Variants in LHX4 observed in about 807,000 individuals in gnomAD.
LHX4 encodes the protein LIM/homeobox protein Lhx4.
LHX4 carries 16 observed loss-of-function variants against 39.2 expected under a neutral mutation model. The ratio of observed to expected loss-of-function variants is 0.41; its 90% CI spans 0.28 to 0.62. LHX4 has a LOEUF of 0.62. LHX4 is among the 20% of genes least tolerant of loss of function. The pLI, the probability that LHX4 is intolerant of heterozygous loss-of-function variation, is 0.33. For synonymous variants in LHX4, 206 were observed against 198.1 expected (o/e 1.04, Z -0.33); for missense variants, 439 against 511.9 (o/e 0.86, Z 1.37).
intron 1 of LHX4, among the ~76,000 whole-genome samples, chr1:180,243,229 T>C (rs982968454): frequency 1.3e-5 from 2 of 152,022 alleles, no homozygotes; most frequent in East Asian, 3.9e-4. Context: ...CCTCAAATGA[T>C]CTGCCTGTCT....
chr1:180,242,152 C>G (rs939262252), intron 1 of LHX4, among the ~76,000 whole-genome samples: 2 of 152,184 alleles, frequency 1.3e-5, no homozygotes, highest in Non-Finnish European at 2.9e-5. Flanking sequence ...GGACAGCTCC[C>G]TCATTCGGCT....
In LHX4 at chr1:180,278,859, T is replaced by C. The variant is rs140382495; in HGVS notation, c.*4280T>C. On this transcript the variant is annotated 3_prime_UTR_variant, in exon 6 of 6. Transcript: ENST00000263726. Reference sequence around the variant, plus strand: ...AAAAGAAAAAAAAAAGACCCACCCATCCTTATTTATTGCCATATGACTTTG... The same window carrying C: ...AAAAGAAAAAAAAAAGACCCACCCACCCTTATTTATTGCCATATGACTTTG... 3.5e-4 allele frequency: 54 copies of C among 152,160 alleles called. 1 individual carries two copies. The East Asian group carries it at 0.01, about 28-fold the overall frequency. The allele number at this position is 152,160 out of a possible 1,614,324, so 9.4% of individuals were successfully genotyped here. A position where few individuals can be genotyped will look rare whatever the true frequency, so the allele number is the denominator to read the frequency against.
At chr1:180,270,837 A>G (rs1039824998) in intron 3 of LHX4, 1 of 187,842 alleles carries the variant, frequency 5.3e-6, no homozygotes, top group African/African-American at 2.3e-5. Flanking sequence ...GTTCTGACCT[A>G]TAGTTTAGAA....
At chr1:180,263,418 C>G (rs1164471927) in intron 2 of LHX4, among the ~76,000 whole-genome samples, 1 of 152,196 alleles carries the variant, frequency 6.6e-6, no homozygotes, top group Non-Finnish European at 1.5e-5. Flanking sequence ...TCTAGATACA[C>G]TGGCTCTGAC....
intron 2 of LHX4, among the ~76,000 whole-genome samples, chr1:180,250,584 C>T (rs1309274187): frequency 6.6e-6 from 1 of 152,208 alleles, no homozygotes; most frequent in Non-Finnish European, 1.5e-5. Context: ...AGACCTCAGA[C>T]CCCACTGGTT....
chr1:180,237,071 C>G (rs1664337572), intron 1 of LHX4, among the ~76,000 whole-genome samples: 1 of 152,176 alleles, frequency 6.6e-6, no homozygotes, highest in South Asian at 2.1e-4. Context: ...GGTCTGGTGG[C>G]TTGAATTTCT....
chr1:180,236,467 G>C lies in LHX4; in HGVS notation c.76+5862G>C, dbSNP rs567506847. The stretch of plus-strand genomic sequence containing the variant: ...GTAGACTGAAGCCAGAGACCCCAGT[G>C]CTGGGAGGAGAGGAGGAGCCGGGGG... On this transcript the variant is annotated intron_variant, in intron 1 of 5. Transcript: ENST00000263726. Among the ~76,000 whole-genome samples the C allele has an allele frequency of 2.0e-5, 3 of 152,376 alleles. No individual in the cohort carries two copies. The South Asian group carries it at 6.2e-4, about 32-fold the overall frequency.
intron 4 of LHX4, 43 bp from the exon 5 acceptor site, chr1:180,271,792 T>C: frequency 6.2e-7 from 1 of 1,607,970 alleles, no homozygotes; most frequent in African/African-American, 1.3e-5. Flanking sequence ...TTTGGGTTTG[T>C]GGTGGACGCC....
chr1:180,250,317 CTGTG>C (rs1485954349), intron 2 of LHX4, among the ~76,000 whole-genome samples: 1 of 125,578 alleles, frequency 8.0e-6, no homozygotes, highest in Admixed American at 8.2e-5. Context: ...GTGAATTTCC[CTGTG>C]TTTGTGTGTG....
At position 180,274,574 on chromosome 1, in the gene LHX4, T is replaced by G. The variant is rs566916137; in HGVS notation, c.1168T>G (p.Phe390Val). The G allele has an allele frequency of 6.4e-7, 1 of 1,571,696 alleles. No individual in the cohort carries two copies. The highest frequency in any genetic ancestry group is 1.1e-5 in the South Asian group (1 of 87,170). Residue 390 changes from phenylalanine (F) to valine (V), a missense_variant, in exon 6 of 6, where the codon TTT becomes GTT. Phe to Val is a conservative substitution (Grantham distance 50, BLOSUM62 -1). Transcript: ENST00000263726. ...SWLDEMDHPP[F>V] ...GCTCGATGAAATGGATCATCCTCCT[T>G]TTTAAACTTCTCTCCTCCCCACCCT...
At chr1:180,262,296 AAAAAG>A (rs1648141232) in intron 2 of LHX4, among the ~76,000 whole-genome samples, 1 of 151,396 alleles carries the variant, frequency 6.6e-6, no homozygotes, top group African/African-American at 2.4e-5. Context: ...AAAAAAAAAA[AAAAAG>A]GAAAAACAGC....
chr1:180,255,366 A>G (rs908295078), intron 2 of LHX4, among the ~76,000 whole-genome samples: 7 of 149,320 alleles, frequency 4.7e-5, no homozygotes, highest in Non-Finnish European at 8.8e-5. Context: ...GTATACACGC[A>G]CACACACATG....
In LHX4 at chr1:180,277,428, C is replaced by G. The variant is rs1649100273; in HGVS notation, c.*2849C>G. 1 of 152,148 alleles carries G rather than the reference C, an allele frequency of 6.6e-6. No individual in the cohort carries two copies. The highest frequency in any genetic ancestry group is 1.5e-5 in the Non-Finnish European group (1 of 68,034). The allele number at this position is 152,148 out of a possible 1,614,324, so 9.4% of individuals were successfully genotyped here. Reference sequence around the variant, plus strand: ...TGAAATGAGACCTTCTAGAGGCAACCATTATCTGCAGTGCCTGGCTGGTCG... The same window carrying G: ...TGAAATGAGACCTTCTAGAGGCAACGATTATCTGCAGTGCCTGGCTGGTCG... On this transcript the variant is annotated 3_prime_UTR_variant, in exon 6 of 6. Transcript: ENST00000263726.
At chr1:180,229,340 C>T (rs1664102110), upstream of LHX4, among the ~76,000 whole-genome samples, 2 of 152,160 alleles carry the variant, frequency 1.3e-5, no homozygotes. Flanking sequence ...GAGGCCCCGC[C>T]GCGGGGAGGT....
chr1:180,266,529 A>C lies in LHX4; in HGVS notation c.386A>C (p.Glu129Ala), dbSNP rs1326812607. Residue 129 changes from glutamate (E) to alanine (A), a missense_variant, in exon 3 of 6, where the codon GAA becomes GCA. By Grantham distance (107) the Glu-to-Ala change is moderately radical. Transcript: ENST00000263726. This position sits in a 1 kb window ranked among gnomAD's most constrained non-coding sequence, Gnocchi z 5.7. ...AACCGGCAGCTGGCCACGGGGGACG[A>C]ATTCTACCTCATGGAGGACGGGCGG... ...ICNRQLATGD[E>A]FYLMEDGRLV... is the part of the protein sequence containing the mutation. 1.2e-6 allele frequency: 2 copies of C among 1,614,046 alleles called. No individual in the cohort carries two copies. Among genetic ancestry groups the C allele is most frequent in the Non-Finnish European group, 1.7e-6 (2 of 1,180,026 alleles).
chr1:180,274,442 C>T lies in LHX4; in HGVS notation c.1036C>T (p.Gln346Ter). 1.2e-6 allele frequency: 2 copies of T among 1,614,224 alleles called. No homozygotes were observed. The highest frequency in any genetic ancestry group is 1.7e-6 in the Non-Finnish European group (2 of 1,180,042). Reference sequence around the variant, plus strand: ...TTTGGGCATCATTGCGCATGCAGGGCAGGGAGTAAGCCAGACGCTGAGAGC... The same window carrying T: ...TTTGGGCATCATTGCGCATGCAGGGTAGGGAGTAAGCCAGACGCTGAGAGC... ...SNLGIIAHAG[Q>*]GVSQTLRAMA... The change falls in exon 6 of 6, where the codon CAG (glutamine) becomes TAG (stop). Residue 346 changes from glutamine (Q) to a stop codon, truncating the protein, a stop_gained. Coordinates refer to ENST00000263726, the MANE Select transcript of LHX4 (RefSeq NM_033343.4). LOFTEE classifies it high-confidence loss of function.
chr1:180,229,621 A>C (rs1482559420), upstream of LHX4, among the ~76,000 whole-genome samples: 1 of 151,910 alleles, frequency 6.6e-6, no homozygotes, highest in African/African-American at 2.4e-5. Context: ...CAGGGGAAAG[A>C]GGAGGAGGAA....
Position 180,277,309 on chromosome 1 carries a change from C to T in LHX4, c.*2730C>T, listed in dbSNP as rs1363171023. ...TTACTTTTAGCTTCTCTTAGAGGCA[C>T]TCCTCTGTTGCTTGGAAGTCTATTA... On this transcript the variant is annotated 3_prime_UTR_variant, in exon 6 of 6. Coordinates refer to ENST00000263726, the MANE Select transcript of LHX4 (RefSeq NM_033343.4). 2.0e-5 allele frequency: 3 copies of T among 152,232 alleles called. No homozygotes were observed. Among genetic ancestry groups the T allele is most frequent in the Non-Finnish European group, 2.9e-5 (2 of 68,058 alleles). The allele number at this position is 152,232 out of a possible 1,614,324, so 9.4% of individuals were successfully genotyped here.
chr1:180,262,286 A>AAAAC, intron 2 of LHX4, among the ~76,000 whole-genome samples: 1 of 150,916 alleles, frequency 6.6e-6, no homozygotes, highest in African/African-American at 2.4e-5. Context: ...GAAAGGAAAA[A>AAAAC]AAAAAAAAAA....
Sources: gnomAD v4.1 joint callset for allele counts (sites outside exome capture counted in the v4.1 genomes callset) on GRCh38, gnomAD v4.1.1 for gene constraint, Gnocchi (gnomAD v3.1) non-coding constraint, MANE v1.5 for transcripts, NCBI Gene and HGNC (gene_info 2026-07-23, HGNC 2026-07-21) for gene names.